Variants in UBE2F observed in about 807,000 individuals in gnomAD.
UBE2F encodes ubiquitin conjugating enzyme E2 F (putative).
Under a neutral mutation model 29.6 loss-of-function variants are expected in UBE2F, and 5 were observed. That is an observed-to-expected ratio of 0.17 (90% CI 0.09 to 0.36). The LOEUF is 0.36. UBE2F is among the 10% of genes least tolerant of loss of function. The probability of loss-of-function intolerance (pLI) is 1.00; values close to 1 mark genes in which losing one functional copy is unlikely to be tolerated. For synonymous variants in UBE2F, 66 were observed against 81.8 expected, an observed-to-expected ratio of 0.81 and a Z score of 1.04; for missense variants, 141 against 228.5, an observed-to-expected ratio of 0.62 and a Z score of 2.47.
rs1355919064 is a variant in UBE2F, at chr2:238,042,458, A to G, written c.*1120A>G. On this transcript the variant is annotated 3_prime_UTR_variant, in exon 10 of 10. Transcript: ENST00000272930. ...CTAGGCCTTGGAGGACCAGGAGTCA[A>G]CAGTGGCATATGCCATCCTCGGCCA... 1 of 152,312 alleles carries G rather than the reference A, an allele frequency of 6.6e-6. No homozygotes were observed. Among genetic ancestry groups the G allele is most frequent in the African/African-American group, 2.4e-5 (1 of 41,476 alleles). The allele number at this position is 152,312 out of a possible 1,614,324, so 9.4% of individuals were successfully genotyped here. A position where few individuals can be genotyped will look rare whatever the true frequency, so the allele number is the denominator to read the frequency against.
At chr2:237,988,695 G>A (rs1471822065) in intron 3 of UBE2F, among the ~76,000 whole-genome samples, 2 of 151,988 alleles carry the variant, frequency 1.3e-5, no homozygotes, top group East Asian at 3.9e-4. Flanking sequence ...AGGTGCATTT[G>A]GTTAGGTTTT....
At chr2:237,984,996 CAAAAA>C (rs55984976) in intron 2 of UBE2F, among the ~76,000 whole-genome samples, 25 of 129,968 alleles carry the variant, frequency 1.9e-4, no homozygotes, top group Admixed American at 5.6e-4. Context: ...TGGAAAAAGG[CAAAAA>C]AAAAAAAAAA....
intron 5 of UBE2F, among the ~76,000 whole-genome samples, chr2:238,023,003 G>C (rs1297956976): frequency 2.0e-5 from 3 of 152,250 alleles, no homozygotes; most frequent in Non-Finnish European, 4.4e-5. Flanking sequence ...AAGGGGACAG[G>C]AGGAAGGGCG....
Position 238,028,496 on chromosome 2 carries a change from C to T in UBE2F, c.354-2060C>T, listed in dbSNP as rs191356843. 7.2e-5 allele frequency among the ~76,000 whole-genome samples: 11 copies of T among 152,326 alleles called. No homozygotes were observed. In the East Asian group the frequency reaches 2.1e-3, roughly 29 times the overall value. On this transcript the variant is annotated intron_variant, in intron 6 of 9. Transcript: ENST00000272930. ...TCCTCCATTCAACAAAATATAGCCA[C>T]TAGGATTTGACTTCATTCCCAAAAA...
At chr2:238,039,214 A>G (rs2064786916) in intron 9 of UBE2F, among the ~76,000 whole-genome samples, 1 of 152,248 alleles carries the variant, frequency 6.6e-6, no homozygotes, top group Non-Finnish European at 1.5e-5. Context: ...CTGCCTGGGC[A>G]GCAAGAGCGA....
rs1276645455 is a variant in UBE2F at position 237,987,970 on chromosome 2, A to C, written c.126A>C (p.Ala42=). 1 of 1,504,842 alleles carries C rather than the reference A, an allele frequency of 6.6e-7. No homozygotes were observed. The highest frequency in any genetic ancestry group is 2.4e-5 in the Admixed American group (1 of 42,494). 93.2% of individuals were successfully genotyped at this position (1,504,842 alleles called of 1,614,324 possible). ...ATTTCTTTGTTTCTACAGAGGTTGC[A>C]GAACTTGAAGCTAATTTACCTTGTA... ...VRDKLLVKEV[A]ELEANLPCTC... The change falls in exon 3 of 10, where the codon GCA becomes GCC. Residue 42 remains alanine, a synonymous_variant. Coordinates refer to ENST00000272930, the MANE Select transcript of UBE2F (RefSeq NM_080678.3).
intron 4 of UBE2F, among the ~76,000 whole-genome samples, chr2:238,005,002 A>G (rs2063871476): frequency 6.6e-6 from 1 of 152,178 alleles, no homozygotes; most frequent in African/African-American, 2.4e-5. Context: ...CCTCTTGCCA[A>G]CTTCATGATC....
chr2:238,041,235 A>G (rs2064832196), intron 9 of UBE2F, 53 bp from the exon 10 acceptor site: 2 of 1,560,940 alleles, frequency 1.3e-6, no homozygotes, highest in African/African-American at 2.7e-5. Flanking sequence ...TGCTTCACTC[A>G]CTCACTCACT....
Position 237,967,801 on chromosome 2 carries a change from C to T in UBE2F, c.-17+669C>T, listed in dbSNP as rs1559195119. 6.6e-6 allele frequency among the ~76,000 whole-genome samples: 1 copy of T among 152,228 alleles called. No individual in the cohort carries two copies. The highest frequency in any genetic ancestry group is 2.4e-5 in the African/African-American group (1 of 41,462). ...GGGCATCTTGGAACAATTAGTGCAG[C>T]AGAGTCTTGGTTCCAGACCTAGTTC... On this transcript the variant is annotated intron_variant, in intron 1 of 9. Coordinates refer to ENST00000272930, the MANE Select transcript of UBE2F (RefSeq NM_080678.3). The surrounding 1 kb of genome is among the most constrained non-coding windows in gnomAD (Gnocchi z 6.3).
At chr2:237,972,559 T>G (rs2063196965) in intron 1 of UBE2F, among the ~76,000 whole-genome samples, 1 of 146,786 alleles carries the variant, frequency 6.8e-6, no homozygotes, top group East Asian at 2.0e-4. Context: ...TTTTTTTTTT[T>G]TTTTTTTTTG....
intron 1 of UBE2F, among the ~76,000 whole-genome samples, chr2:237,969,074 A>T (rs1196418963): frequency 6.6e-6 from 1 of 152,230 alleles, no homozygotes; most frequent in Non-Finnish European, 1.5e-5. Context: ...GATGGTCACT[A>T]TATTAGATTT....
intron 2 of UBE2F, among the ~76,000 whole-genome samples, chr2:237,978,581 G>A (rs1233903499): frequency 1.3e-5 from 2 of 152,146 alleles, no homozygotes; most frequent in East Asian, 1.9e-4. Flanking sequence ...AGGGCTCCCC[G>A]CTCAGCCACA....
intron 2 of UBE2F, among the ~76,000 whole-genome samples, chr2:237,980,555 C>G (rs2063358790): frequency 6.6e-6 from 1 of 152,156 alleles, no homozygotes; most frequent in Non-Finnish European, 1.5e-5. Flanking sequence ...CCTCCAAATA[C>G]CATCACATTG....
At chr2:238,008,191 C>T (rs1277481882) in intron 4 of UBE2F, among the ~76,000 whole-genome samples, 4 of 152,084 alleles carry the variant, frequency 2.6e-5, no homozygotes, top group African/African-American at 4.8e-5. Flanking sequence ...AGGCTGGTCT[C>T]GAACCCTTGG....
In UBE2F at chr2:238,032,265, T is replaced by C. The variant is rs1314629209; in HGVS notation, c.444+11T>C. Reference sequence around the variant, plus strand: ...AACTCTTTGTTTACTGTAAGTACAGTGATCAAAATCCCAAGTTATTCTCAA... The same window carrying C: ...AACTCTTTGTTTACTGTAAGTACAGCGATCAAAATCCCAAGTTATTCTCAA... On this transcript the variant is annotated intron_variant, in intron 8 of 9. Coordinates refer to ENST00000272930, the MANE Select transcript of UBE2F (RefSeq NM_080678.3). The C allele has an allele frequency of 1.8e-5, 29 of 1,606,908 alleles. No homozygotes were observed. Among genetic ancestry groups the C allele is most frequent in the Non-Finnish European group, 2.3e-5 (27 of 1,174,380 alleles).
intron 4 of UBE2F, among the ~76,000 whole-genome samples, chr2:238,006,975 C>T (rs1386074326): frequency 6.6e-6 from 1 of 152,054 alleles, no homozygotes; most frequent in Non-Finnish European, 1.5e-5. Flanking sequence ...AGGCTGGTCT[C>T]GAACTCCCAA....
intron 9 of UBE2F, among the ~76,000 whole-genome samples, chr2:238,039,461 C>T (rs545985993): frequency 2.6e-5 from 4 of 152,320 alleles, no homozygotes; most frequent in Non-Finnish European, 5.9e-5. Flanking sequence ...ATAGTAGGAG[C>T]CAGGCACGCT....
chr2:238,042,516 A>T lies in UBE2F; in HGVS notation c.*1178A>T, dbSNP rs1317388190. 1.3e-5 allele frequency: 2 copies of T among 152,246 alleles called. No individual in the cohort carries two copies. The highest frequency in any genetic ancestry group is 6.5e-5 in the Admixed American group (1 of 15,278). 9.4% of individuals were successfully genotyped at this position (152,246 alleles called of 1,614,324 possible). A position where few individuals can be genotyped will look rare whatever the true frequency, so the allele number is the denominator to read the frequency against. ...ATACTGCAGAGGAAAAGCCCTGAAG[A>T]GAGGCAAGTGGATTTACTCCAGCAT... is the stretch of plus-strand genomic sequence containing the variant. On this transcript the variant is annotated 3_prime_UTR_variant, in exon 10 of 10. Coordinates refer to ENST00000272930, the MANE Select transcript of UBE2F (RefSeq NM_080678.3).
intron 4 of UBE2F, among the ~76,000 whole-genome samples, chr2:238,014,619 T>G (rs1208914793): frequency 6.6e-6 from 1 of 152,166 alleles, no homozygotes; most frequent in Non-Finnish European, 1.5e-5. Context: ...GCATGGGTAG[T>G]AATCATTCCT....
Sources: gnomAD v4.1 joint callset for allele counts (sites outside exome capture counted in the v4.1 genomes callset) on GRCh38, gnomAD v4.1.1 for gene constraint, Gnocchi (gnomAD v3.1) non-coding constraint, MANE v1.5 for transcripts, NCBI Gene and HGNC (gene_info 2026-07-23, HGNC 2026-07-21) for gene names.